The following FAM53A variants were observed in gnomAD, a reference collection of about 807,000 sequenced individuals.
FAM53A encodes family with sequence similarity 53 member A, also known as protein FAM53A.
In FAM53A, 28 loss-of-function variants were observed where a neutral mutation model predicts 26.6. That is an observed-to-expected ratio of 1.05 (90% CI 0.78 to 1.45). FAM53A has a LOEUF of 1.45. FAM53A is among the 40% of genes most tolerant of loss of function. The pLI is 0.00. For missense variants in FAM53A, 650 were observed against 575.8 expected, an observed-to-expected ratio of 1.13 and a Z score of -1.32; for synonymous variants, 290 against 253.1, an observed-to-expected ratio of 1.15 and a Z score of -1.38.
intron 1 of FAM53A, among the ~76,000 whole-genome samples, chr4:1,622,146 C>A (rs2108746559): frequency 6.6e-6 from 1 of 152,334 alleles, no homozygotes; most frequent in South Asian, 2.1e-4. Flanking sequence ...AGCCCGCCGA[C>A]CCCTGTTCAC....
intron 1 of FAM53A, among the ~76,000 whole-genome samples, chr4:1,627,784 C>T (rs1867921): frequency 0.13 from 19,799 of 152,016 alleles, 1,570 homozygotes; most frequent in African/African-American, 0.23. Context: ...GCAGCAGCCC[C>T]ACCTGGGGGT....
intron 1 of FAM53A, among the ~76,000 whole-genome samples, chr4:1,619,868 A>C (rs1426263143): frequency 2.0e-5 from 3 of 152,132 alleles, no homozygotes; most frequent in Non-Finnish European, 4.4e-5. Flanking sequence ...CGATCATCTA[A>C]GCTGTCCTCT....
chr4:1,620,192 G>A lies in FAM53A; in HGVS notation c.432-2081C>T, dbSNP rs187000522. Among the ~76,000 whole-genome samples the A allele has an allele frequency of 1.3e-4, 18 of 142,836 alleles. No individual in the cohort carries two copies. In the East Asian group the frequency reaches 3.2e-3, roughly 26 times the overall value. 93.7% of individuals were successfully genotyped at this position (142,836 alleles called of 152,430 possible). A position where few individuals can be genotyped will look rare whatever the true frequency, so the allele number is the denominator to read the frequency against. On this transcript the variant is annotated intron_variant, in intron 1 of 1. Transcript: ENST00000489029. ...ACTGCACTCCAGGCTGGGTGACAGA[G>A]TGAGACTCTGTCTCAAAAAAAAAAA... is the stretch of plus-strand genomic sequence containing the variant.
At chr4:1,582,187 C>T in the FAM53A span, among the ~76,000 whole-genome samples, 3 of 152,238 alleles carry the variant, frequency 2.0e-5, no homozygotes, top group Admixed American at 6.5e-5. Context: ...TCTCATGTCA[C>T]GTTTCAGCGT....
chr4:1,606,132 G>A, the FAM53A span, among the ~76,000 whole-genome samples: 18 of 150,104 alleles, frequency 1.2e-4, no homozygotes, highest in Admixed American at 2.7e-4. Flanking sequence ...TCCGCCTCCC[G>A]GGTTCACGCC....
the FAM53A span, among the ~76,000 whole-genome samples, chr4:1,595,259 A>AGGCGGGCAGCAGGAGCCCC: frequency 4.6e-5 from 7 of 152,336 alleles, no homozygotes; most frequent in Non-Finnish European, 5.9e-5. Flanking sequence ...GGGTGCAAGA[A>AGGCGGGCAGCAGGAGCCCC]GGCGGGCAGC....
downstream of FAM53A, among the ~76,000 whole-genome samples, chr4:1,613,976 C>A (rs1714716355): frequency 6.6e-6 from 1 of 152,144 alleles, no homozygotes; most frequent in Non-Finnish European, 1.5e-5. Context: ...GTCAGAGAAC[C>A]CCGAAGAAGA....
At chr4:1,643,734 T>C (rs903013603) in intron 4 of FAM53A, among the ~76,000 whole-genome samples, 6 of 151,684 alleles carry the variant, frequency 4.0e-5, no homozygotes, top group Admixed American at 1.3e-4. Flanking sequence ...GCCGGTCTAA[T>C]TTTTGTATTT....
At chr4:1,594,187 G>GCAGCGGCCCCGCCTC in the FAM53A span, among the ~76,000 whole-genome samples, 2 of 152,212 alleles carry the variant, frequency 1.3e-5, no homozygotes, top group African/African-American at 4.8e-5. Flanking sequence ...TTGGGAGCCA[G>GCAGCGGCCCCGCCTC]CAGCGGCCCC....
chr4:1,621,825 G>T (rs1036238551), intron 1 of FAM53A, among the ~76,000 whole-genome samples: 2 of 152,188 alleles, frequency 1.3e-5, no homozygotes, highest in Non-Finnish European at 2.9e-5. Context: ...ATATCCCTGC[G>T]GCCATGGGGC....
chr4:1,643,107 T>G (rs1457590381), intron 4 of FAM53A, among the ~76,000 whole-genome samples: 2 of 152,158 alleles, frequency 1.3e-5, no homozygotes, highest in Non-Finnish European at 2.9e-5. Flanking sequence ...AGCGACTGAT[T>G]TTTATAAAAG....
chr4:1,685,860 C>T (rs1490178160), upstream of FAM53A, among the ~76,000 whole-genome samples: 1 of 152,170 alleles, frequency 6.6e-6, no homozygotes, highest in Non-Finnish European at 1.5e-5. Flanking sequence ...GTGCCCGGGG[C>T]GAGGCTCTGC....
chr4:1,595,284 C>T, the FAM53A span, among the ~76,000 whole-genome samples: 2 of 152,334 alleles, frequency 1.3e-5, no homozygotes, highest in Admixed American at 1.3e-4. Flanking sequence ...GCCCCACCGG[C>T]TCCTCTTTGT....
the FAM53A span, among the ~76,000 whole-genome samples, chr4:1,582,544 G>A: frequency 6.6e-6 from 1 of 152,194 alleles, no homozygotes; most frequent in African/African-American, 2.4e-5. Context: ...CCCATTTGGA[G>A]GCTGACCTTG....
intron 4 of FAM53A, 108 bp downstream of exon 4, chr4:1,654,870 A>G: frequency 7.1e-7 from 1 of 1,406,094 alleles, no homozygotes; most frequent in Non-Finnish European, 9.4e-7. Context: ...CCCAGAGAAG[A>G]CCAGCCGGAT....
chr4:1,644,427 A>T, intron 4 of FAM53A: 1 of 1,482,394 alleles, frequency 6.7e-7, no homozygotes, highest in South Asian at 1.3e-5. Flanking sequence ...CAGACACGGC[A>T]GCTGTACAGC....
At chr4:1,647,207 G>C (rs1349870380) in intron 4 of FAM53A, among the ~76,000 whole-genome samples, 1 of 151,922 alleles carries the variant, frequency 6.6e-6, no homozygotes, top group East Asian at 1.9e-4. Flanking sequence ...ATGGTGGCAG[G>C]CACCTGTAAT....
chr4:1,684,999 G>C (rs1715723663), upstream of FAM53A, among the ~76,000 whole-genome samples: 1 of 152,100 alleles, frequency 6.6e-6, no homozygotes, highest in South Asian at 2.1e-4. Context: ...AGCGGAAGGA[G>C]GCCGTGCCCC....
At chr4:1,643,065 G>A (rs537140468) in intron 4 of FAM53A, among the ~76,000 whole-genome samples, 107 of 152,290 alleles carry the variant, frequency 7.0e-4, no homozygotes, top group South Asian at 3.5e-3. Context: ...CCCCACAGAC[G>A]GGAACCTCAA....
Sources: gnomAD v4.1 joint callset for allele counts (sites outside exome capture counted in the v4.1 genomes callset) on GRCh38, gnomAD v4.1.1 for gene constraint, MANE v1.5 for transcripts, NCBI Gene and HGNC (gene_info 2026-07-23, HGNC 2026-07-21) for gene names.